Variants in TAF3 observed in about 807,000 individuals in gnomAD.
TAF3 encodes the protein transcription initiation factor TFIID subunit 3.
A neutral mutation model predicts 80.6 loss-of-function variants in TAF3; 7 were observed. The observed-to-expected ratio is 0.09, with a 90% CI of 0.05 to 0.16. The LOEUF is 0.16. Ranked by LOEUF, TAF3 falls within the 10% of genes least tolerant of loss-of-function variation. TAF3 has a pLI of 1.00. For missense variants in TAF3, 921 were observed against 1,140.2 expected (o/e 0.81, Z 2.77); for synonymous variants, 444 against 446.1 (o/e 1.00, Z 0.06).
At chr10:7,886,400 A>G (rs983205123) in intron 2 of TAF3, among the ~76,000 whole-genome samples, 17 of 152,144 alleles carry the variant, frequency 1.1e-4, no homozygotes, top group African/African-American at 3.6e-4. Flanking sequence ...CTTTATTACA[A>G]TTCTTCCATA....
chr10:7,925,572 G>A (rs1242278452), intron 2 of TAF3, among the ~76,000 whole-genome samples: 1 of 151,846 alleles, frequency 6.6e-6, no homozygotes, highest in Non-Finnish European at 1.5e-5. Context: ...GGGAGGCCAG[G>A]GCAGGTGGAT....
intron 2 of TAF3, among the ~76,000 whole-genome samples, chr10:7,919,760 T>A (rs1438572821): frequency 6.6e-6 from 1 of 152,230 alleles, no homozygotes; most frequent in East Asian, 1.9e-4. Context: ...TATTATTTTT[T>A]ATTTTTTTCA....
chr10:8,006,196 AC>A (rs1339461542), intron 4 of TAF3, among the ~76,000 whole-genome samples: 2 of 150,390 alleles, frequency 1.3e-5, no homozygotes, highest in Non-Finnish European at 3.0e-5. Context: ...ACACACACAC[AC>A]ACACACACAC....
At chr10:7,972,864 C>T (rs1020031393) in intron 3 of TAF3, among the ~76,000 whole-genome samples, 22 of 152,226 alleles carry the variant, frequency 1.4e-4, no homozygotes, top group African/African-American at 5.3e-4. Flanking sequence ...CCATGGAGAA[C>T]AAAATTTACA....
chr10:7,847,992 A>T (rs563574027), intron 2 of TAF3, among the ~76,000 whole-genome samples: 1 of 151,212 alleles, frequency 6.6e-6, no homozygotes, highest in South Asian at 2.1e-4. Context: ...CTGATCGCAA[A>T]CTCCTGACCT....
intron 3 of TAF3, among the ~76,000 whole-genome samples, chr10:7,971,560 C>T (rs147108333): frequency 1.3e-5 from 2 of 151,774 alleles, no homozygotes; most frequent in East Asian, 3.9e-4. Context: ...GCAGAAAGTC[C>T]CTGTCAAAAG....
At chr10:7,914,105 A>G (rs952384092) in intron 2 of TAF3, among the ~76,000 whole-genome samples, 4 of 151,866 alleles carry the variant, frequency 2.6e-5, no homozygotes, top group African/African-American at 9.7e-5. Context: ...TTTTTTTGCA[A>G]TTTTTTGAGG....
chr10:7,896,717 C>T (rs893194864), intron 2 of TAF3, among the ~76,000 whole-genome samples: 1 of 152,172 alleles, frequency 6.6e-6, no homozygotes, highest in Non-Finnish European at 1.5e-5. Flanking sequence ...TGGTAGTTTT[C>T]TACTACCACA....
chr10:7,915,983 A>AT (rs1491448357), intron 2 of TAF3, among the ~76,000 whole-genome samples: 1 of 151,810 alleles, frequency 6.6e-6, no homozygotes, highest in East Asian at 1.9e-4. Flanking sequence ...CTAAAAAAAA[A>AT]GAAAAAAAAA....
chr10:7,864,308 A>C (rs1022962556), intron 2 of TAF3, among the ~76,000 whole-genome samples: 22 of 152,110 alleles, frequency 1.4e-4, no homozygotes, highest in Non-Finnish European at 2.6e-4. Context: ...TTTTTTCAGA[A>C]ATTAATTGAC....
chr10:7,898,570 A>T (rs915408249), intron 2 of TAF3, among the ~76,000 whole-genome samples: 26 of 140,260 alleles, frequency 1.9e-4, no homozygotes, highest in Non-Finnish European at 3.9e-4. Flanking sequence ...AAAAAAAAAA[A>T]TCGAACTCTT....
At chr10:7,860,868 C>G (rs1356883149) in intron 2 of TAF3, among the ~76,000 whole-genome samples, 1 of 148,636 alleles carries the variant, frequency 6.7e-6, no homozygotes, top group Admixed American at 6.7e-5. Context: ...GGTGTGATCT[C>G]GGGTCGCTGC....
At chr10:7,827,791 A>AAAAC (rs1564341864) in intron 2 of TAF3, among the ~76,000 whole-genome samples, 129 of 150,280 alleles carry the variant, frequency 8.6e-4, no homozygotes, top group African/African-American at 3.0e-3. Context: ...AAAAAAAAAA[A>AAAAC]AAAAACAAAA....
chr10:7,991,587 T>C (rs1044315250), intron 4 of TAF3, among the ~76,000 whole-genome samples: 1 of 152,190 alleles, frequency 6.6e-6, no homozygotes, highest in Non-Finnish European at 1.5e-5. Flanking sequence ...GAGTGTGATA[T>C]AGATTTATAC....
At chr10:7,822,063 A>C (rs774822728) in intron 1 of TAF3, among the ~76,000 whole-genome samples, 5 of 152,180 alleles carry the variant, frequency 3.3e-5, no homozygotes, top group Non-Finnish European at 7.3e-5. Context: ...AAAGAATTAA[A>C]ACATGTAGTA....
intron 2 of TAF3, among the ~76,000 whole-genome samples, chr10:7,851,076 G>A (rs1032186110): frequency 6.6e-6 from 1 of 152,146 alleles, no homozygotes; most frequent in Admixed American, 6.5e-5. Context: ...TAACAAATAA[G>A]TAAATTCTAT....
At chr10:7,887,536 C>T (rs1328284580) in intron 2 of TAF3, among the ~76,000 whole-genome samples, 1 of 151,748 alleles carries the variant, frequency 6.6e-6, no homozygotes, top group African/African-American at 2.4e-5. Flanking sequence ...GAAAGGAAGC[C>T]GGAGATGAGA....
At chr10:7,912,269 T>G (rs1423644894) in intron 2 of TAF3, among the ~76,000 whole-genome samples, 4 of 151,876 alleles carry the variant, frequency 2.6e-5, no homozygotes, top group African/African-American at 9.7e-5. Context: ...GTTTTTTTAT[T>G]AAAAAAAAGA....
chr10:7,935,818 G>A (rs752336678), intron 2 of TAF3, among the ~76,000 whole-genome samples: 7 of 152,164 alleles, frequency 4.6e-5, no homozygotes, highest in Non-Finnish European at 1.0e-4. Context: ...CAGGAGAAAA[G>A]TGCAACTGGA....
Sources: gnomAD v4.1 joint callset for allele counts (sites outside exome capture counted in the v4.1 genomes callset) on GRCh38, gnomAD v4.1.1 for gene constraint, MANE v1.5 for transcripts, NCBI Gene and HGNC (gene_info 2026-07-23, HGNC 2026-07-21) for gene names.